The following KAZN variants were observed in gnomAD, a reference collection of about 807,000 sequenced individuals.
KAZN encodes the protein kazrin, periplakin interacting protein.
A neutral mutation model predicts 87.4 loss-of-function variants in KAZN; 40 were observed. The observed-to-expected ratio is 0.46, with a 90% CI of 0.36 to 0.60. The LOEUF (loss-of-function observed/expected upper bound fraction) is 0.60. KAZN is among the 20% of genes least tolerant of loss of function. The probability of loss-of-function intolerance (pLI) is 0.00; values close to 1 mark genes in which losing one functional copy is unlikely to be tolerated. For missense variants in KAZN, 898 were observed against 1,073.9 expected, an observed-to-expected ratio of 0.84 and a Z score of 2.29; for synonymous variants, 466 against 458.3, an observed-to-expected ratio of 1.02 and a Z score of -0.22.
chr1:14,674,862 C>G (rs1640121683), intron 1 of KAZN, among the ~76,000 whole-genome samples: 1 of 152,116 alleles, frequency 6.6e-6, no homozygotes. Context: ...TCATAGCTCA[C>G]TGCAGCTGCG....
chr1:14,322,183 C>G (rs1656092392), intron 2 of KAZN, among the ~76,000 whole-genome samples: 1 of 152,078 alleles, frequency 6.6e-6, no homozygotes, highest in African/African-American at 2.4e-5. Flanking sequence ...CCCAACTACT[C>G]AGGAGATTGA....
At chr1:14,877,142 C>T (rs1462867229) in intron 1 of KAZN, among the ~76,000 whole-genome samples, 1 of 152,140 alleles carries the variant, frequency 6.6e-6, no homozygotes, top group Non-Finnish European at 1.5e-5. Context: ...AAGGGGTGTT[C>T]CCCGCACTCT....
intron 2 of KAZN, among the ~76,000 whole-genome samples, chr1:14,361,601 C>CTG (rs1659519155): frequency 6.6e-6 from 1 of 152,258 alleles, no homozygotes; most frequent in African/African-American, 2.4e-5. Flanking sequence ...ATCTCCTGGT[C>CTG]TGTGGGTTGT....
chr1:14,387,207 C>T (rs1230486251), intron 2 of KAZN, among the ~76,000 whole-genome samples: 1 of 152,090 alleles, frequency 6.6e-6, no homozygotes. Context: ...TCTAGTTATA[C>T]ATTCTTCTAA....
At chr1:14,435,151 C>T (rs560369789) in intron 2 of KAZN, among the ~76,000 whole-genome samples, 11 of 152,246 alleles carry the variant, frequency 7.2e-5, no homozygotes, top group South Asian at 4.2e-4. Context: ...GCATCGGTGG[C>T]GCTCGTGGTC....
chr1:14,661,731 A>T (rs996670527), intron 1 of KAZN, among the ~76,000 whole-genome samples: 25 of 152,066 alleles, frequency 1.6e-4, no homozygotes, highest in Admixed American at 4.6e-4. Context: ...CCTGGCCAAC[A>T]TGGCAAAACC....
At chr1:14,466,947 C>A (rs957569824) in intron 2 of KAZN, among the ~76,000 whole-genome samples, 1 of 151,964 alleles carries the variant, frequency 6.6e-6, no homozygotes, top group Non-Finnish European at 1.5e-5. Flanking sequence ...CCAGCCTGGG[C>A]GACAGTGCAA....
At chr1:13,932,140 G>A (rs190370845) in intron 1 of KAZN, among the ~76,000 whole-genome samples, 12 of 151,062 alleles carry the variant, frequency 7.9e-5, no homozygotes, top group Non-Finnish European at 1.5e-4. Flanking sequence ...TTACAGATAT[G>A]AGCCACCATG....
At chr1:14,687,213 G>A (rs1641005280) in intron 1 of KAZN, among the ~76,000 whole-genome samples, 1 of 152,146 alleles carries the variant, frequency 6.6e-6, no homozygotes, top group South Asian at 2.1e-4. Context: ...CCATAAGGCT[G>A]GGTCGAGGAA....
intron 1 of KAZN, among the ~76,000 whole-genome samples, chr1:14,829,715 T>A (rs185227307): frequency 6.6e-6 from 1 of 152,182 alleles, no homozygotes; most frequent in East Asian, 1.9e-4. Flanking sequence ...TGTGTGAAGG[T>A]CTTGATTGTC....
intron 1 of KAZN, among the ~76,000 whole-genome samples, chr1:13,897,295 C>T (rs1181662478): frequency 6.6e-6 from 1 of 152,178 alleles, no homozygotes; most frequent in East Asian, 1.9e-4. Flanking sequence ...TTGCTGACCC[C>T]TCCCCTAGAC....
chr1:14,486,166 C>T (rs1417877030), intron 2 of KAZN, among the ~76,000 whole-genome samples: 3 of 152,098 alleles, frequency 2.0e-5, no homozygotes, highest in Non-Finnish European at 4.4e-5. Context: ...GCCATCCTGC[C>T]CCAAGACCTT....
At chr1:14,205,330 G>T (rs977030952) in intron 2 of KAZN, among the ~76,000 whole-genome samples, 1 of 152,168 alleles carries the variant, frequency 6.6e-6, no homozygotes. Context: ...TGATAAAGTA[G>T]AGCTTGAAGG....
intron 2 of KAZN, among the ~76,000 whole-genome samples, chr1:14,317,687 T>A (rs911791031): frequency 1.3e-4 from 20 of 151,980 alleles, no homozygotes; most frequent in African/African-American, 4.6e-4. Flanking sequence ...CTATTAGCTA[T>A]ACAGTGAGTC....
Position 15,066,412 on chromosome 1 carries a change from G to C in KAZN, c.1222+659G>C. 1 of 982,988 alleles carries C rather than the reference G, an allele frequency of 1.0e-6. No homozygotes were observed. The highest frequency in any genetic ancestry group is 1.2e-6 in the Non-Finnish European group (1 of 829,524). 60.9% of individuals were successfully genotyped at this position (982,988 alleles called of 1,614,324 possible). On this transcript the variant is annotated intron_variant, in intron 8 of 14. Transcript: ENST00000376030. The surrounding 1 kb of genome is among the most constrained non-coding windows in gnomAD (Gnocchi z 4.3). ...GCCCAAGTCACTTTAACCACAAAAC[G>C]CCATCGTCGTCAGGGTAAGCTCTGC... is the stretch of plus-strand genomic sequence containing the variant.
chr1:14,700,842 C>T (rs1641881445), intron 1 of KAZN, among the ~76,000 whole-genome samples: 1 of 152,076 alleles, frequency 6.6e-6, no homozygotes, highest in Non-Finnish European at 1.5e-5. Context: ...GAGCAATAGC[C>T]ACCTCTTAGC....
Position 15,089,191 on chromosome 1 carries a change from G to A in KAZN, c.1223-4989G>A, listed in dbSNP as rs565223087. On this transcript the variant is annotated intron_variant, in intron 8 of 14. Transcript: ENST00000376030. ...ACCTTCCCCTCTTCTGGGGGACTCA[G>A]GAGCAGCAGCCAACTTCTGCTCCCA... Among the ~76,000 whole-genome samples, 20 of 152,198 alleles carry A rather than the reference G, an allele frequency of 1.3e-4. 1 individual carries two copies. Among genetic ancestry groups the A allele is most frequent in the African/African-American group, 4.8e-4 (20 of 41,512 alleles).
At chr1:14,104,033 G>A (rs1644316350) in intron 1 of KAZN, among the ~76,000 whole-genome samples, 1 of 152,176 alleles carries the variant, frequency 6.6e-6, no homozygotes, top group Admixed American at 6.5e-5. Context: ...GGAGGGTGTT[G>A]GGGGTTACTG....
intron 1 of KAZN, among the ~76,000 whole-genome samples, chr1:14,754,658 A>T (rs1644507631): frequency 6.6e-6 from 1 of 152,052 alleles, no homozygotes; most frequent in Non-Finnish European, 1.5e-5. Flanking sequence ...CAAATTCATT[A>T]ATCCAGATTT....
Sources: gnomAD v4.1 joint callset for allele counts (sites outside exome capture counted in the v4.1 genomes callset) on GRCh38, gnomAD v4.1.1 for gene constraint, Gnocchi (gnomAD v3.1) non-coding constraint, MANE v1.5 for transcripts, NCBI Gene and HGNC (gene_info 2026-07-23, HGNC 2026-07-21) for gene names.